RNF216: variants seen among roughly 807,000 people sequenced by gnomAD.
RNF216 encodes ring finger protein 216.
In RNF216, 72 loss-of-function variants were observed where a neutral mutation model predicts 110.8. The ratio of observed to expected loss-of-function variants is 0.65; its 90% CI spans 0.54 to 0.79. The LOEUF is 0.79. RNF216 is among the 30% of genes least tolerant of loss of function. RNF216 has a pLI of 0.00. For missense variants in RNF216, 1,342 were observed against 1,141.2 expected (o/e 1.18, Z -2.54); for synonymous variants, 495 against 407.5 (o/e 1.21, Z -2.59).
intron 15 of RNF216, among the ~76,000 whole-genome samples, chr7:5,636,865 T>C (rs1415142939): frequency 2.0e-5 from 3 of 152,140 alleles, no homozygotes; most frequent in Non-Finnish European, 4.4e-5. Context: ...GTGCATGCTA[T>C]GGCACCCAAA....
At position 5,715,084 on chromosome 7, in the gene RNF216, T is replaced by G; in HGVS notation, c.1802A>C (p.Tyr601Ser). 6.2e-7 allele frequency: 1 copy of G among 1,613,844 alleles called. No individual in the cohort carries two copies. The highest frequency in any genetic ancestry group is 8.5e-7 in the Non-Finnish European group (1 of 1,179,980). Residue 601 changes from tyrosine to serine, a missense_variant, in exon 11 of 17, where the codon TAT becomes TCT. Tyr to Ser is a moderately radical substitution (Grantham distance 144, BLOSUM62 -2). Transcript: ENST00000389902. ...HLFCKECLIR[Y>S]AQEAVFGSGK... ...AGATCCAAAGACTGCCTCTTGGGCA[T>G]ATCTGATGAGACACTCTTTGCAGAA...
intron 3 of RNF216, among the ~76,000 whole-genome samples, chr7:5,747,847 T>C (rs555037991): frequency 2.6e-4 from 38 of 148,752 alleles, no homozygotes; most frequent in African/African-American, 8.9e-4. Flanking sequence ...GGCACAATCA[T>C]AGCTCACTAC....
At chr7:5,627,112 AC>A (rs1180769735) in intron 15 of RNF216, among the ~76,000 whole-genome samples, 11 of 152,196 alleles carry the variant, frequency 7.2e-5, no homozygotes, top group Non-Finnish European at 1.5e-4. Context: ...ACAAGGGGGT[AC>A]CTCAGGAATC....
intron 13 of RNF216, among the ~76,000 whole-genome samples, chr7:5,666,082 C>T (rs1227691530): frequency 2.7e-5 from 4 of 150,344 alleles, no homozygotes; most frequent in Admixed American, 6.7e-5. Flanking sequence ...AGGAGAATGG[C>T]GTGAACCTGG....
chr7:5,687,500 T>C (rs1791070865), intron 13 of RNF216, among the ~76,000 whole-genome samples: 2 of 152,098 alleles, frequency 1.3e-5, no homozygotes, highest in Non-Finnish European at 2.9e-5. Flanking sequence ...ACATCTACTT[T>C]TGGACAAAGA....
chr7:5,779,650 G>A (rs1429147560), intron 1 of RNF216, among the ~76,000 whole-genome samples: 16 of 92,774 alleles, frequency 1.7e-4, no homozygotes, highest in African/African-American at 5.8e-4. Context: ...GCTAGACTCC[G>A]TCTCTTAAAA....
At chr7:5,763,864 A>C (rs1796059611) in intron 1 of RNF216, among the ~76,000 whole-genome samples, 1 of 152,176 alleles carries the variant, frequency 6.6e-6, no homozygotes, top group South Asian at 2.1e-4. Context: ...TGAACCACCA[A>C]GCCCAGCCTG....
rs561153673 is a variant in RNF216, at chr7:5,696,661, G to T, written c.2061+15100C>A. Among the ~76,000 whole-genome samples the T allele has an allele frequency of 6.6e-6, 1 of 152,056 alleles. No homozygotes were observed. Among genetic ancestry groups the T allele is most frequent in the East Asian group, 1.9e-4 (1 of 5,192 alleles). ...TCCTCGCTTTTGACTACTGCCCCACGTCTCCCCTCTTGCCCCCAACCTGCC... is the reference window on the plus strand; with the variant it reads ...TCCTCGCTTTTGACTACTGCCCCACTTCTCCCCTCTTGCCCCCAACCTGCC... On this transcript the variant is annotated intron_variant, in intron 13 of 16. Transcript: ENST00000389902. This position sits in a 1 kb window ranked among gnomAD's most constrained non-coding sequence, Gnocchi z 5.4.
At chr7:5,632,559 C>T (rs1423778265) in intron 15 of RNF216, among the ~76,000 whole-genome samples, 1 of 152,194 alleles carries the variant, frequency 6.6e-6, no homozygotes, top group Non-Finnish European at 1.5e-5. Context: ...CTCCAATCAC[C>T]TGATGTCAGG....
chr7:5,761,526 G>A (rs1362939509), intron 1 of RNF216, among the ~76,000 whole-genome samples: 5 of 152,174 alleles, frequency 3.3e-5, no homozygotes, highest in African/African-American at 4.8e-5. Flanking sequence ...AGTGGCTCAC[G>A]CCTACAATCC....
intron 5 of RNF216, among the ~76,000 whole-genome samples, chr7:5,734,397 C>A (rs1296739528): frequency 6.6e-6 from 1 of 152,120 alleles, no homozygotes; most frequent in African/African-American, 2.4e-5. Flanking sequence ...AAAAGGATAG[C>A]AACGTTCTAT....
At chr7:5,673,913 T>G (rs1790095859) in intron 13 of RNF216, among the ~76,000 whole-genome samples, 1 of 149,718 alleles carries the variant, frequency 6.7e-6, no homozygotes, top group African/African-American at 2.5e-5. Context: ...CAGGCTGGTG[T>G]GCACTGGCAT....
At chr7:5,724,871 A>T (rs1793653426) in intron 8 of RNF216, among the ~76,000 whole-genome samples, 1 of 152,208 alleles carries the variant, frequency 6.6e-6, no homozygotes, top group South Asian at 2.1e-4. Context: ...GGTTTTCAGC[A>T]GTTATTTCAT....
At chr7:5,720,200 T>C (rs565100593) in intron 9 of RNF216, among the ~76,000 whole-genome samples, 45 of 152,304 alleles carry the variant, frequency 3.0e-4, no homozygotes, top group African/African-American at 1.1e-3. Flanking sequence ...ATGTGAACTG[T>C]GGGGACCCAC....
chr7:5,764,798 G>A (rs935582961), intron 1 of RNF216, among the ~76,000 whole-genome samples: 1 of 152,088 alleles, frequency 6.6e-6, no homozygotes, highest in Non-Finnish European at 1.5e-5. Flanking sequence ...TGGGTGCAGT[G>A]GCTCATGCCT....
At chr7:5,751,327 A>G (rs1307940829) in intron 3 of RNF216, among the ~76,000 whole-genome samples, 1 of 152,194 alleles carries the variant, frequency 6.6e-6, no homozygotes, top group Non-Finnish European at 1.5e-5. Context: ...AGCCTAACAA[A>G]AAGGGAGGAA....
At chr7:5,667,136 C>T (rs1789581485) in intron 13 of RNF216, among the ~76,000 whole-genome samples, 1 of 152,034 alleles carries the variant, frequency 6.6e-6, no homozygotes, top group Non-Finnish European at 1.5e-5. Context: ...AAACTGTGGC[C>T]CTATGGTGGG....
chr7:5,674,170 T>C (rs1325071873), intron 13 of RNF216, among the ~76,000 whole-genome samples: 2 of 151,816 alleles, frequency 1.3e-5, no homozygotes, highest in Non-Finnish European at 2.9e-5. Context: ...GCTGGGATTA[T>C]AGGCACCCAC....
intron 13 of RNF216, among the ~76,000 whole-genome samples, chr7:5,703,436 T>C (rs1227410509): frequency 6.6e-6 from 1 of 152,238 alleles, no homozygotes; most frequent in East Asian, 1.9e-4. Flanking sequence ...TCCACACTCA[T>C]TTACATTCTC....
Sources: allele counts gnomAD v4.1 joint callset (sites outside exome capture counted in the v4.1 genomes callset), GRCh38; gene constraint gnomAD v4.1.1; non-coding constraint Gnocchi (gnomAD v3.1); transcripts MANE v1.5; gene names NCBI Gene and HGNC (gene_info 2026-07-23, HGNC 2026-07-21).